ATL1: variants seen among roughly 807,000 people sequenced by gnomAD.
ATL1 encodes the protein atlastin-1.
In ATL1, 31 loss-of-function variants were observed where a neutral mutation model predicts 75.5. That is an observed-to-expected ratio of 0.41 (90% confidence interval 0.31 to 0.55). The LOEUF is 0.55. Among genes scored for constraint, ATL1 ranks in the 20% least tolerant of loss-of-function variants. ATL1 has a pLI of 0.27. For missense variants in ATL1, 405 were observed against 662.6 expected, an observed-to-expected ratio of 0.61 and a Z score of 4.27; for synonymous variants, 226 against 233.3, an observed-to-expected ratio of 0.97 and a Z score of 0.28.
chr14:50,612,284 G>A (rs564192946), intron 6 of ATL1, among the ~76,000 whole-genome samples: 16 of 152,194 alleles, frequency 1.1e-4, no homozygotes, highest in African/African-American at 3.9e-4. Context: ...AGGAGGAGGG[G>A]CTTATGGAGT....
In ATL1 at chr14:50,632,530, A is replaced by G. The variant is rs2039592976; in HGVS notation, c.*191A>G. 2 of 474,882 alleles carry G rather than the reference A, an allele frequency of 4.2e-6. No individual in the cohort carries two copies. Among genetic ancestry groups the G allele is most frequent in the Admixed American group, 6.6e-5 (2 of 30,216 alleles). The allele number at this position is 474,882 out of a possible 1,614,324, so 29.4% of individuals were successfully genotyped here. A position where few individuals can be genotyped will look rare whatever the true frequency, so the allele number is the denominator to read the frequency against. ...AGATGTATGTATGCATGGTTATACT[A>G]TTTTGTTAACATGTACAATTTCCTG... On this transcript the variant is annotated 3_prime_UTR_variant, in exon 14 of 14. Transcript: ENST00000358385.
chr14:50,571,177 C>G (rs2038952043), intron 1 of ATL1, among the ~76,000 whole-genome samples: 1 of 152,156 alleles, frequency 6.6e-6, no homozygotes, highest in South Asian at 2.1e-4. Context: ...TCACCTGTAT[C>G]TGCACCTCCA....
chr14:50,535,408 A>G (rs1796295179), intron 1 of ATL1, among the ~76,000 whole-genome samples: 1 of 152,268 alleles, frequency 6.6e-6, no homozygotes, highest in Admixed American at 6.5e-5. Flanking sequence ...TATTGAACAT[A>G]CAGATTTAAG....
intron 1 of ATL1, among the ~76,000 whole-genome samples, chr14:50,547,563 C>T (rs566831999): frequency 7.9e-5 from 12 of 152,186 alleles, no homozygotes; most frequent in Non-Finnish European, 1.5e-4. Flanking sequence ...GGGGAAGATT[C>T]TGAGATCACC....
intron 1 of ATL1, among the ~76,000 whole-genome samples, chr14:50,537,056 G>A (rs569159618): frequency 6.6e-6 from 1 of 152,362 alleles, no homozygotes; most frequent in African/African-American, 2.4e-5. Context: ...CGTGTCAGAG[G>A]TCTTCATGGC....
intron 1 of ATL1, among the ~76,000 whole-genome samples, chr14:50,581,540 A>G (rs1223059590): frequency 6.6e-6 from 1 of 152,096 alleles, no homozygotes; most frequent in Non-Finnish European, 1.5e-5. Flanking sequence ...TTAGTTCACA[A>G]TATTTTCTAG....
At chr14:50,551,660 C>CA in intron 1 of ATL1, among the ~76,000 whole-genome samples, 1 of 152,084 alleles carries the variant, frequency 6.6e-6, no homozygotes, top group South Asian at 2.1e-4. Context: ...AATAGCATAT[C>CA]AAAAAGATAA....
At chr14:50,559,925 G>A (rs1156414768), upstream of ATL1, 13 of 384,448 alleles carry the variant, frequency 3.4e-5, no homozygotes, top group East Asian at 6.1e-4. Context: ...CTTTGAGAGT[G>A]TGTTCGAGGG....
chr14:50,579,170 G>T (rs745496835), intron 1 of ATL1, among the ~76,000 whole-genome samples: 2 of 152,068 alleles, frequency 1.3e-5, no homozygotes, highest in Non-Finnish European at 2.9e-5. Flanking sequence ...TGGTTTTTGT[G>T]TATGGTGAGA....
chr14:50,560,572 G>T, intron 1 of ATL1: 1 of 516,272 alleles, frequency 1.9e-6, no homozygotes, highest in South Asian at 2.0e-5. Context: ...CCTCCTCCCA[G>T]CATTTGGACA....
At chr14:50,543,635 C>T (rs536407924) in intron 1 of ATL1, among the ~76,000 whole-genome samples, 168 of 152,282 alleles carry the variant, frequency 1.1e-3, no homozygotes, top group African/African-American at 3.9e-3. Context: ...AAGGATCAAT[C>T]GTGGTGCTGG....
chr14:50,542,747 A>G (rs776266108), intron 1 of ATL1, among the ~76,000 whole-genome samples: 1 of 152,186 alleles, frequency 6.6e-6, no homozygotes, highest in Non-Finnish European at 1.5e-5. Context: ...ATAATATGCT[A>G]GCACCAACTT....
intron 12 of ATL1, among the ~76,000 whole-genome samples, chr14:50,628,916 C>T (rs1354788832): frequency 2.0e-5 from 3 of 152,112 alleles, no homozygotes; most frequent in Admixed American, 1.3e-4. Flanking sequence ...CGGGGTTTCA[C>T]CATGTTGGCC....
upstream of ATL1, among the ~76,000 whole-genome samples, chr14:50,558,915 C>T (rs946750390): frequency 2.1e-5 from 3 of 141,070 alleles, no homozygotes; most frequent in Admixed American, 2.1e-4. Context: ...GTGTTCACGA[C>T]TCTGCAGTCA....
At chr14:50,593,747 T>C (rs541296014) in intron 4 of ATL1, 99 bp from the exon 5 acceptor site, 2 of 779,452 alleles carry the variant, frequency 2.6e-6, no homozygotes, top group South Asian at 2.9e-5. Flanking sequence ...AGAGAGTCCA[T>C]TTTGTGGTAA....
At chr14:50,619,470 C>T (rs774125867) in intron 8 of ATL1, among the ~76,000 whole-genome samples, 9 of 152,066 alleles carry the variant, frequency 5.9e-5, no homozygotes, top group Admixed American at 2.0e-4. Context: ...CCCAAAGTGC[C>T]GGGATTACAG....
At chr14:50,599,983 CT>C (rs57973857) in intron 6 of ATL1, among the ~76,000 whole-genome samples, 27,517 of 143,562 alleles carry the variant, frequency 0.19, 3,133 homozygotes, top group African/African-American at 0.34. Context: ...ACTCTGTTGT[CT>C]TTTTTTTTTT....
chr14:50,537,709 T>C (rs545907353), intron 1 of ATL1, among the ~76,000 whole-genome samples: 10 of 152,362 alleles, frequency 6.6e-5, no homozygotes, highest in African/African-American at 2.4e-4. Context: ...AAGGAGATCA[T>C]TTTGGATCTT....
chr14:50,551,088 G>C (rs2038696795), intron 1 of ATL1, among the ~76,000 whole-genome samples: 1 of 152,040 alleles, frequency 6.6e-6, no homozygotes, highest in Admixed American at 6.6e-5. Flanking sequence ...GAAACAAAAA[G>C]CTGTTTCTTT....
Sources: gnomAD v4.1 joint callset for allele counts (sites outside exome capture counted in the v4.1 genomes callset) on GRCh38, gnomAD v4.1.1 for gene constraint, MANE v1.5 for transcripts, NCBI Gene and HGNC (gene_info 2026-07-23, HGNC 2026-07-21) for gene names.